TBC1D16: variants seen among roughly 807,000 people sequenced by gnomAD.
TBC1D16 encodes the protein CTD-2529O21.1.
In TBC1D16, 58 loss-of-function variants were observed where a neutral mutation model predicts 74.7. The ratio of observed to expected loss-of-function variants is 0.78; its 90% CI spans 0.63 to 0.97. TBC1D16 has a LOEUF of 0.97. Among genes scored for constraint, TBC1D16 ranks in the 50% least tolerant of loss-of-function variants. TBC1D16 has a pLI of 0.00. For synonymous variants in TBC1D16, 493 were observed against 474.7 expected (o/e 1.04, Z -0.50); for missense variants, 1,014 against 1,079.5 (o/e 0.94, Z 0.85).
rs71389726 is a variant in TBC1D16, at chr17:80,033,382, G to T, written c.-63+2413C>A. ...TGTTGTTGTTGTTTGGGTTTTTTAG[G>T]TTTTTTTTTTAAGCAGAGTCTCACT... On this transcript the variant is annotated intron_variant, in intron 1 of 11. Coordinates refer to ENST00000310924, the MANE Select transcript of TBC1D16 (RefSeq NM_019020.4). 6.4e-3 allele frequency among the ~76,000 whole-genome samples: 957 copies of T among 148,466 alleles called. 3 individuals are homozygous for T. Among genetic ancestry groups the T allele is most frequent in the Non-Finnish European group, 9.5e-3 (637 of 66,896 alleles).
Position 80,009,930 on chromosome 17 carries a change from C to A in TBC1D16, c.779+230G>T, listed in dbSNP as rs891425340. On this transcript the variant is annotated intron_variant, in intron 3 of 11. Transcript: ENST00000310924. This position sits in a 1 kb window ranked among gnomAD's most constrained non-coding sequence, Gnocchi z 5.4. ...TCAAGGAGAGAGAAGAATGTGGACA[C>A]CCCGACGCACCCTTCACAGTCCTCT... Among the ~76,000 whole-genome samples the A allele has an allele frequency of 1.3e-5, 2 of 152,188 alleles. No individual in the cohort carries two copies. Among genetic ancestry groups the A allele is most frequent in the Non-Finnish European group, 2.9e-5 (2 of 68,026 alleles).
rs1021244928 is a variant in TBC1D16, at chr17:79,979,398, C to T, written c.780-26580G>A. Among the ~76,000 whole-genome samples, 3 of 152,178 alleles carry T rather than the reference C, an allele frequency of 2.0e-5. No individual in the cohort carries two copies. Among genetic ancestry groups the T allele is most frequent in the Non-Finnish European group, 2.9e-5 (2 of 68,028 alleles). ...CAGGCATCCCCAGTGCCGCCAATCA[C>T]GTGGCCCTCTCGAGGTGAAGCTGCG... On this transcript the variant is annotated intron_variant, in intron 3 of 11. Coordinates refer to ENST00000310924, the MANE Select transcript of TBC1D16 (RefSeq NM_019020.4). The surrounding 1 kb of genome is among the most constrained non-coding windows in gnomAD (Gnocchi z 4.8).
intron 1 of TBC1D16, among the ~76,000 whole-genome samples, chr17:80,015,193 G>A (rs924466786): frequency 1.3e-5 from 2 of 152,128 alleles, no homozygotes; most frequent in Non-Finnish European, 2.9e-5. Flanking sequence ...ACTTTGGGGG[G>A]CCGAGGCAGG....
rs138167797 is a variant in TBC1D16 at position 79,944,823 on chromosome 17, C to A, written c.1908+85G>T. On this transcript the variant is annotated intron_variant, in intron 10 of 11. Coordinates refer to ENST00000310924, the MANE Select transcript of TBC1D16 (RefSeq NM_019020.4). The surrounding 1 kb of genome is among the most constrained non-coding windows in gnomAD (Gnocchi z 7.7). ...TGGCTGTGGGTGGGGGGCGGCGAGGCGGACAGGGGCAGCAGGCAGGGTGGC... is the reference window on the plus strand; with the variant it reads ...TGGCTGTGGGTGGGGGGCGGCGAGGAGGACAGGGGCAGCAGGCAGGGTGGC... 462 of 1,264,418 alleles carry A rather than the reference C, an allele frequency of 3.7e-4. 1 individual carries two copies. In the African/African-American group the frequency reaches 6.0e-3, roughly 17 times the overall value. The allele number at this position is 1,264,418 out of a possible 1,614,324, so 78.3% of individuals were successfully genotyped here.
Position 80,008,410 on chromosome 17 carries a change from C to T in TBC1D16, c.779+1750G>A, listed in dbSNP as rs958258132. 1.3e-5 allele frequency among the ~76,000 whole-genome samples: 2 copies of T among 152,306 alleles called. No individual in the cohort carries two copies. The highest frequency in any genetic ancestry group is 4.8e-5 in the African/African-American group (2 of 41,562). On this transcript the variant is annotated intron_variant, in intron 3 of 11. Coordinates refer to ENST00000310924, the MANE Select transcript of TBC1D16 (RefSeq NM_019020.4). The surrounding 1 kb of genome is among the most constrained non-coding windows in gnomAD (Gnocchi z 4.5). ...TGGGGCTGCGGGACAGAGAGCTGAC[C>T]GGCCAGCTTCTGGTTGTGGTTCTGC...
intron 3 of TBC1D16, among the ~76,000 whole-genome samples, chr17:79,974,341 C>G (rs990568522): frequency 1.3e-5 from 2 of 152,074 alleles, no homozygotes; most frequent in African/African-American, 4.8e-5. Flanking sequence ...CGGGTTCAAG[C>G]GATTCTCCTG....
Position 79,942,189 on chromosome 17 carries a change from A to T in TBC1D16, c.1926T>A (p.Leu642=). The stretch of plus-strand genomic sequence containing the variant: ...TGGCCACGATGGCCACGCAGATGAA[A>T]AGGTGGAAGTAGTCCGTCTGTGGAG... ...WAHYQTDYFH[L]FICVAIVAIY... is the part of the protein sequence containing the mutation. The change falls in exon 11 of 12, where the codon CTT becomes CTA. Residue 642 remains leucine (L), a synonymous_variant. Coordinates refer to ENST00000310924, the MANE Select transcript of TBC1D16 (RefSeq NM_019020.4). 1 of 1,604,422 alleles carries T rather than the reference A, an allele frequency of 6.2e-7. No homozygotes were observed. Among genetic ancestry groups the T allele is most frequent in the Non-Finnish European group, 8.5e-7 (1 of 1,175,650 alleles).
At chr17:79,952,088 A>G (rs1361278141) in intron 4 of TBC1D16, 2 of 155,364 alleles carry the variant, frequency 1.3e-5, no homozygotes, top group Non-Finnish European at 2.8e-5. Context: ...CTTAGATGAA[A>G]GGCTGGAATG....
In TBC1D16 at chr17:79,932,453, G is replaced by T. The variant is rs891190843; in HGVS notation, c.*8406C>A. On this transcript the variant is annotated 3_prime_UTR_variant, in exon 12 of 12. Transcript: ENST00000310924. ...CCCAGAATCCTCTGCCCGGTCCCCT[G>T]TAGCTAGTGTCCAGACACTGGTCAC... 1 of 152,258 alleles carries T rather than the reference G, an allele frequency of 6.6e-6. No homozygotes were observed. The highest frequency in any genetic ancestry group is 6.5e-5 in the Admixed American group (1 of 15,286). 9.4% of individuals were successfully genotyped at this position (152,258 alleles called of 1,614,324 possible).
chr17:79,960,778 C>CAAAAAAAAAAAAAA (rs1433555447), intron 3 of TBC1D16, among the ~76,000 whole-genome samples: 1 of 23,148 alleles, frequency 4.3e-5, no homozygotes, highest in Non-Finnish European at 8.4e-5. Context: ...AAACAAAAAC[C>CAAAAAAAAAAAAAA]CAAAAAAAAA....
intron 3 of TBC1D16, among the ~76,000 whole-genome samples, chr17:80,006,985 A>G (rs1187874861): frequency 6.6e-6 from 1 of 152,202 alleles, no homozygotes; most frequent in Admixed American, 6.5e-5. Flanking sequence ...TTAAAAATAA[A>G]AAGAAAGCTC....
Position 79,953,803 on chromosome 17 carries a change from G to A in TBC1D16, c.780-985C>T, listed in dbSNP as rs575579149. Reference sequence around the variant, plus strand: ...TTTTCTTTTTTTGAGACGGAGTCTCGCTCTGTCACCCAGGCTGGAGTGCAG... The same window carrying A: ...TTTTCTTTTTTTGAGACGGAGTCTCACTCTGTCACCCAGGCTGGAGTGCAG... On this transcript the variant is annotated intron_variant, in intron 3 of 11. Transcript: ENST00000310924. 4.7e-5 allele frequency among the ~76,000 whole-genome samples: 7 copies of A among 148,374 alleles called. No homozygotes were observed. In the South Asian group the frequency reaches 8.5e-4, roughly 18 times the overall value.
chr17:79,982,202 A>G (rs187141390), intron 3 of TBC1D16, among the ~76,000 whole-genome samples: 6 of 147,094 alleles, frequency 4.1e-5, no homozygotes, highest in Admixed American at 3.4e-4. Context: ...GCTGGAGTGC[A>G]GTGACACGAT....
Position 79,993,991 on chromosome 17 carries a change from G to A in TBC1D16, c.779+16169C>T, listed in dbSNP as rs946262934. 2.2e-4 allele frequency among the ~76,000 whole-genome samples: 34 copies of A among 152,110 alleles called. No individual in the cohort carries two copies. Among genetic ancestry groups the A allele is most frequent in the African/African-American group, 8.2e-4 (34 of 41,408 alleles). ...GACAAGTTTCATTTCCCTGACCTTGGACAGCCCTCCTGATGCAGGGAGCGC... is the reference window on the plus strand; with the variant it reads ...GACAAGTTTCATTTCCCTGACCTTGAACAGCCCTCCTGATGCAGGGAGCGC... On this transcript the variant is annotated intron_variant, in intron 3 of 11. Transcript: ENST00000310924. The surrounding 1 kb of genome is among the most constrained non-coding windows in gnomAD (Gnocchi z 5.1).
At chr17:79,945,117 G>C (rs2032409387) in intron 9 of TBC1D16, 30 bp from the exon 10 acceptor site, 1 of 1,543,216 alleles carries the variant, frequency 6.5e-7, no homozygotes, top group Non-Finnish European at 8.8e-7. Flanking sequence ...GCGTTAGTTA[G>C]CTCCGGTCCC....
intron 5 of TBC1D16, among the ~76,000 whole-genome samples, chr17:79,951,126 C>T (rs2033019151): frequency 6.6e-6 from 1 of 152,204 alleles, no homozygotes; most frequent in African/African-American, 2.4e-5. Flanking sequence ...TTAAAATCGG[C>T]CCCATTTCTA....
In TBC1D16 at chr17:79,944,877, C is replaced by A; in HGVS notation, c.1908+31G>T. On this transcript the variant is annotated intron_variant, in intron 10 of 11. Coordinates refer to ENST00000310924, the MANE Select transcript of TBC1D16 (RefSeq NM_019020.4). This position sits in a 1 kb window ranked among gnomAD's most constrained non-coding sequence, Gnocchi z 7.7. Reference sequence around the variant, plus strand: ...GGTGGTTCAGGGGCCATGGTCCCAACCTCCCCAGCCCTGGCCCCTGCCCTG... The same window carrying A: ...GGTGGTTCAGGGGCCATGGTCCCAAACTCCCCAGCCCTGGCCCCTGCCCTG... The A allele has an allele frequency of 6.5e-7, 1 of 1,530,558 alleles. No homozygotes were observed. The allele number at this position is 1,530,558 out of a possible 1,614,324, so 94.8% of individuals were successfully genotyped here. A position where few individuals can be genotyped will look rare whatever the true frequency, so the allele number is the denominator to read the frequency against.
intron 3 of TBC1D16, among the ~76,000 whole-genome samples, chr17:80,003,507 G>C (rs991064198): frequency 6.6e-6 from 1 of 152,250 alleles, no homozygotes; most frequent in Non-Finnish European, 1.5e-5. Context: ...CTCTTCACTA[G>C]TTAGCAGCGT....
chr17:79,971,895 G>A lies in TBC1D16; in HGVS notation c.780-19077C>T, dbSNP rs995190698. Among the ~76,000 whole-genome samples, 1 of 152,150 alleles carries A rather than the reference G, an allele frequency of 6.6e-6. No individual in the cohort carries two copies. The highest frequency in any genetic ancestry group is 2.4e-5 in the African/African-American group (1 of 41,432). On this transcript the variant is annotated intron_variant, in intron 3 of 11. Coordinates refer to ENST00000310924, the MANE Select transcript of TBC1D16 (RefSeq NM_019020.4). The surrounding 1 kb of genome is among the most constrained non-coding windows in gnomAD (Gnocchi z 4.6). ...GGGGGCTGGCTGTGGGGGTCTTTGT[G>A]GGGAAGAAAGAGCCTGAGTGGGTGC...
Sources: gnomAD v4.1 joint callset for allele counts (sites outside exome capture counted in the v4.1 genomes callset) on GRCh38, gnomAD v4.1.1 for gene constraint, Gnocchi (gnomAD v3.1) non-coding constraint, MANE v1.5 for transcripts, NCBI Gene and HGNC (gene_info 2026-07-23, HGNC 2026-07-21) for gene names.